The following TGFBR3 variants were observed in gnomAD, a reference collection of about 807,000 sequenced individuals.
TGFBR3 encodes transforming growth factor beta receptor type 3.
TGFBR3 carries 46 observed loss-of-function variants against 87.9 expected under a neutral mutation model. The observed-to-expected ratio is 0.52, with a 90% CI of 0.41 to 0.67. The LOEUF (loss-of-function observed/expected upper bound fraction) is 0.67. Ranked by LOEUF, TGFBR3 falls within the 30% of genes least tolerant of loss-of-function variation. The pLI, the probability that TGFBR3 is intolerant of heterozygous loss-of-function variation, is 0.00. For synonymous variants in TGFBR3, 381 were observed against 391.6 expected (o/e 0.97, Z 0.32); for missense variants, 866 against 1,041.9 (o/e 0.83, Z 2.32).
chr1:91,821,691 C>A lies in TGFBR3; in HGVS notation c.62-24220G>T, dbSNP rs570299517. Among the ~76,000 whole-genome samples the A allele has an allele frequency of 2.6e-5, 4 of 152,278 alleles. No homozygotes were observed. In the South Asian group the frequency reaches 8.3e-4, roughly 32 times the overall value. On this transcript the variant is annotated intron_variant, in intron 2 of 16. Transcript: ENST00000212355. The stretch of plus-strand genomic sequence containing the variant: ...CCTCTGTGGTCAGCAACTCTACGGA[C>A]CTGGGGCCTTGCCTGGGTAGGATGC...
intron 1 of TGFBR3, among the ~76,000 whole-genome samples, chr1:91,873,478 G>A (rs777036447): frequency 3.3e-5 from 5 of 151,244 alleles, no homozygotes; most frequent in South Asian, 4.2e-4. Context: ...GTAAAGATGG[G>A]GCTTTACCAT....
intron 16 of TGFBR3, among the ~76,000 whole-genome samples, chr1:91,690,485 C>T (rs972493594): frequency 3.9e-5 from 6 of 152,098 alleles, no homozygotes. Context: ...AGCCAGATGG[C>T]CTTGCCTCAT....
chr1:91,748,944 C>T (rs1456979535), intron 4 of TGFBR3, among the ~76,000 whole-genome samples: 1 of 151,972 alleles, frequency 6.6e-6, no homozygotes, highest in African/African-American at 2.4e-5. Context: ...AGAAGAGTAC[C>T]TCACACACGG....
At chr1:91,723,279 T>G (rs1296391535) in intron 7 of TGFBR3, among the ~76,000 whole-genome samples, 1 of 151,850 alleles carries the variant, frequency 6.6e-6, no homozygotes, top group Non-Finnish European at 1.5e-5. Context: ...CCCAAGAGTT[T>G]GAGACGAGCT....
chr1:91,816,466 C>A (rs771406069), intron 2 of TGFBR3, among the ~76,000 whole-genome samples: 2 of 152,168 alleles, frequency 1.3e-5, no homozygotes, highest in Non-Finnish European at 2.9e-5. Flanking sequence ...CTGCAGTAAG[C>A]AAATACATAC....
At chr1:91,726,883 C>T (rs2100801331) in intron 7 of TGFBR3, among the ~76,000 whole-genome samples, 1 of 148,270 alleles carries the variant, frequency 6.7e-6, no homozygotes, top group South Asian at 2.2e-4. Flanking sequence ...GAGGATTTTT[C>T]TTTAACTTTC....
At chr1:91,767,417 C>T (rs775278312) in intron 3 of TGFBR3, among the ~76,000 whole-genome samples, 1 of 132,700 alleles carries the variant, frequency 7.5e-6, no homozygotes, top group Non-Finnish European at 1.7e-5. Flanking sequence ...TCAAAAACAC[C>T]GCACTTGGAT....
upstream of TGFBR3, among the ~76,000 whole-genome samples, chr1:91,890,409 CTT>C (rs1175619952): frequency 1.3e-4 from 8 of 60,382 alleles, no homozygotes; most frequent in East Asian, 3.4e-3. Flanking sequence ...TCTCTATAAT[CTT>C]TTTTTTTTTT....
intron 4 of TGFBR3, among the ~76,000 whole-genome samples, chr1:91,751,656 G>C (rs1673545395): frequency 6.6e-6 from 1 of 151,852 alleles, no homozygotes; most frequent in Admixed American, 6.6e-5. Flanking sequence ...TTAAGTAAAA[G>C]GAATAAACTA....
intron 2 of TGFBR3, among the ~76,000 whole-genome samples, chr1:91,853,804 G>A (rs1463277957): frequency 6.6e-6 from 1 of 152,170 alleles, no homozygotes; most frequent in Non-Finnish European, 1.5e-5. Flanking sequence ...ACAAGGTCAG[G>A]AGTTCGAGAC....
At position 91,761,509 on chromosome 1, in the gene TGFBR3, C is replaced by T. The variant is rs142726644; in HGVS notation, c.247-2759G>A. Among the ~76,000 whole-genome samples, 581 of 152,226 alleles carry T rather than the reference C, an allele frequency of 3.8e-3. 1 individual carries two copies. Among genetic ancestry groups the T allele is most frequent in the Middle Eastern group, 0.017 (5 of 294 alleles). The stretch of plus-strand genomic sequence containing the variant: ...AATTGGGAAATTCAAAGAAAAATAC[C>T]CAATAGTTTCTTTAAAAGATCATTT... On this transcript the variant is annotated intron_variant, in intron 3 of 16. Transcript: ENST00000212355.
chr1:91,712,945 GCT>G (rs1672034764), intron 12 of TGFBR3, among the ~76,000 whole-genome samples: 1 of 152,200 alleles, frequency 6.6e-6, no homozygotes, highest in African/African-American at 2.4e-5. Flanking sequence ...TATAAGCTAA[GCT>G]CTTTTTAAAG....
intron 2 of TGFBR3, among the ~76,000 whole-genome samples, chr1:91,816,392 T>C (rs1453086436): frequency 6.6e-6 from 1 of 152,176 alleles, no homozygotes; most frequent in Non-Finnish European, 1.5e-5. Context: ...TCTTTCTTTC[T>C]CCTCATTTTT....
chr1:91,866,732 C>G (rs1678405127), intron 1 of TGFBR3: 2 of 152,156 alleles, frequency 1.3e-5, no homozygotes, highest in South Asian at 4.1e-4. Flanking sequence ...ATAATCAGAG[C>G]TCTAAAGGAA....
intron 3 of TGFBR3, among the ~76,000 whole-genome samples, chr1:91,794,361 G>A (rs1394109672): frequency 1.3e-5 from 2 of 151,912 alleles, no homozygotes; most frequent in African/African-American, 2.4e-5. Context: ...CCGCCACCAT[G>A]CCAGCTAATT....
chr1:91,726,978 A>C (rs1188840802), intron 7 of TGFBR3, among the ~76,000 whole-genome samples: 1 of 152,224 alleles, frequency 6.6e-6, no homozygotes. Context: ...ACTTTTGAGG[A>C]AACCAGCTGC....
At chr1:91,858,910 GC>G (rs1451438547) in intron 2 of TGFBR3, among the ~76,000 whole-genome samples, 1 of 151,922 alleles carries the variant, frequency 6.6e-6, no homozygotes, top group Non-Finnish European at 1.5e-5. Context: ...ACAAAAATTA[GC>G]TGGATATGGT....
intron 11 of TGFBR3, 37 bp downstream of exon 11, chr1:91,716,531 A>G (rs1672178224): frequency 1.2e-6 from 2 of 1,613,970 alleles, no homozygotes; most frequent in Non-Finnish European, 1.7e-6. Context: ...AATAGACAGC[A>G]TTTTCCACAA....
chr1:91,731,805 T>C (rs1452990682), intron 5 of TGFBR3, among the ~76,000 whole-genome samples: 1 of 152,116 alleles, frequency 6.6e-6, no homozygotes, highest in African/African-American at 2.4e-5. Flanking sequence ...TGATGTGAGA[T>C]TTGAGACAAA....
Sources: gnomAD v4.1 joint callset for allele counts (sites outside exome capture counted in the v4.1 genomes callset) on GRCh38, gnomAD v4.1.1 for gene constraint, MANE v1.5 for transcripts, NCBI Gene and HGNC (gene_info 2026-07-23, HGNC 2026-07-21) for gene names.